The following KLHL32 variants were observed in gnomAD, a reference collection of about 807,000 sequenced individuals.
KLHL32 encodes the protein kelch like family member 32, also known as kelch-like protein 32.
Under a neutral mutation model 64.8 loss-of-function variants are expected in KLHL32, and 35 were observed. The observed-to-expected ratio is 0.54, with a 90% confidence interval of 0.41 to 0.72. The LOEUF is 0.72. KLHL32 is among the 30% of genes least tolerant of loss of function. KLHL32 has a pLI of 0.00. For missense variants in KLHL32, 589 were observed against 768.5 expected, an observed-to-expected ratio of 0.77 and a Z score of 2.76; for synonymous variants, 259 against 281.0, an observed-to-expected ratio of 0.92 and a Z score of 0.78.
At position 97,102,871 on chromosome 6, in the gene KLHL32, C is replaced by T. The variant is rs568003736; in HGVS notation, c.628-10912C>T. On this transcript the variant is annotated intron_variant, in intron 6 of 10. Transcript: ENST00000369261. ...CTTTTATTTTAGGTTTGGGAGTACA[C>T]GTGAAGGTTTCTTATATAGGTAAAC... Among the ~76,000 whole-genome samples, 12 of 151,724 alleles carry T rather than the reference C, an allele frequency of 7.9e-5. No homozygotes were observed. The East Asian group carries it at 9.7e-4, about 12-fold the overall frequency.
Position 97,041,484 on chromosome 6 carries a change from C to T in KLHL32, c.205-8C>T. On this transcript the variant is annotated splice_polypyrimidine_tract_variant and splice_region_variant and intron_variant, in intron 3 of 10. Coordinates refer to ENST00000369261, the MANE Select transcript of KLHL32 (RefSeq NM_052904.4). Reference sequence around the variant, plus strand: ...TCATAACTGTCTTTCTCCCTTTCCTCACCTCAGGCAATGTTCAGTCTTTGT... The same window carrying T: ...TCATAACTGTCTTTCTCCCTTTCCTTACCTCAGGCAATGTTCAGTCTTTGT... 6.3e-7 allele frequency: 1 copy of T among 1,593,206 alleles called. No individual in the cohort carries two copies. The highest frequency in any genetic ancestry group is 8.6e-7 in the Non-Finnish European group (1 of 1,161,086).
chr6:97,000,886 G>A (rs933478419), intron 3 of KLHL32, among the ~76,000 whole-genome samples: 1 of 152,158 alleles, frequency 6.6e-6, no homozygotes, highest in Non-Finnish European at 1.5e-5. Context: ...GAAAATGCAT[G>A]GGTGAAACTT....
At chr6:96,946,528 A>G (rs1451679345) in intron 1 of KLHL32, among the ~76,000 whole-genome samples, 6 of 152,180 alleles carry the variant, frequency 3.9e-5, no homozygotes, top group Non-Finnish European at 5.9e-5. Context: ...TAAGTCAAGA[A>G]TCTGTCACTT....
intron 1 of KLHL32, among the ~76,000 whole-genome samples, chr6:96,938,950 C>G (rs1437385905): frequency 6.6e-6 from 1 of 152,166 alleles, no homozygotes; most frequent in Non-Finnish European, 1.5e-5. Context: ...GGCTGCTCCC[C>G]TTTCACTGAG....
At chr6:96,930,482 A>G (rs1359173936) in intron 1 of KLHL32, among the ~76,000 whole-genome samples, 2 of 152,216 alleles carry the variant, frequency 1.3e-5, no homozygotes, top group South Asian at 4.1e-4. Flanking sequence ...AAGATTAAAT[A>G]AGAAATGCAT....
In KLHL32 at chr6:97,120,986, A is replaced by G. The variant is rs1428099707; in HGVS notation, c.1355-6418A>G. 2.0e-5 allele frequency among the ~76,000 whole-genome samples: 3 copies of G among 152,342 alleles called. No homozygotes were observed. In the East Asian group the frequency reaches 5.8e-4, roughly 29 times the overall value. On this transcript the variant is annotated intron_variant, in intron 7 of 10. Coordinates refer to ENST00000369261, the MANE Select transcript of KLHL32 (RefSeq NM_052904.4). ...AAAACAAACAGAAATGTAGTATTCT[A>G]CAATGCTTGTTAGAGAGCTAAATGA...
At chr6:97,114,558 T>C in intron 7 of KLHL32, 49 bp downstream of exon 7, 1 of 1,602,646 alleles carries the variant, frequency 6.2e-7, no homozygotes, top group African/African-American at 1.3e-5. Flanking sequence ...TTCATTGTGG[T>C]ATATATTTAA....
At chr6:96,904,334 T>TTTC in the KLHL32 span, among the ~76,000 whole-genome samples, 1 of 76,716 alleles carries the variant, frequency 1.3e-5, no homozygotes, top group Non-Finnish European at 2.4e-5. Flanking sequence ...AGAGCAAGAC[T>TTTC]TTGTCAAAAA....
chr6:97,055,267 A>G (rs1787611060), intron 4 of KLHL32, among the ~76,000 whole-genome samples: 1 of 152,208 alleles, frequency 6.6e-6, no homozygotes, highest in Non-Finnish European at 1.5e-5. Flanking sequence ...AGAAACAGAA[A>G]GGAAGATCTT....
chr6:96,931,092 A>G (rs375184756), intron 1 of KLHL32, among the ~76,000 whole-genome samples: 1 of 151,366 alleles, frequency 6.6e-6, no homozygotes, highest in Non-Finnish European at 1.5e-5. Flanking sequence ...GAAAAGGTCA[A>G]AAGCTCACCA....
chr6:96,987,592 G>GA (rs1288691153), intron 3 of KLHL32, among the ~76,000 whole-genome samples: 2 of 152,058 alleles, frequency 1.3e-5, no homozygotes, highest in African/African-American at 2.4e-5. Context: ...CACAGAATTG[G>GA]AAAAAACTAC....
At chr6:96,946,500 T>G (rs978846746) in intron 1 of KLHL32, among the ~76,000 whole-genome samples, 9 of 152,214 alleles carry the variant, frequency 5.9e-5, no homozygotes, top group African/African-American at 2.2e-4. Context: ...GACCACTAAA[T>G]AATTACTTGT....
intron 1 of KLHL32, among the ~76,000 whole-genome samples, chr6:96,938,689 G>A (rs528438553): frequency 6.6e-6 from 1 of 152,278 alleles, no homozygotes; most frequent in East Asian, 1.9e-4. Flanking sequence ...AAATAGACGG[G>A]CCTAAGCTTG....
chr6:97,089,370 T>A (rs1465930628), intron 6 of KLHL32, among the ~76,000 whole-genome samples: 6 of 152,244 alleles, frequency 3.9e-5, no homozygotes, highest in Non-Finnish European at 8.8e-5. Context: ...ATTCAGTAGT[T>A]AGGTTAAGGA....
chr6:96,898,335 G>A, the KLHL32 span, among the ~76,000 whole-genome samples: 2 of 152,170 alleles, frequency 1.3e-5, no homozygotes, highest in Non-Finnish European at 2.9e-5. Flanking sequence ...GTCAAACTGG[G>A]CTCTCAAGTT....
chr6:97,117,404 A>G (rs568009131), intron 7 of KLHL32, among the ~76,000 whole-genome samples: 2 of 152,326 alleles, frequency 1.3e-5, no homozygotes, highest in African/African-American at 4.8e-5. Context: ...TCTCTAGAAC[A>G]CAGAATGAAT....
At chr6:96,900,156 A>AT in the KLHL32 span, among the ~76,000 whole-genome samples, 2 of 152,226 alleles carry the variant, frequency 1.3e-5, no homozygotes, top group Non-Finnish European at 2.9e-5. Flanking sequence ...GTGAGTCCTT[A>AT]TGCAAGTAAC....
At chr6:96,996,622 T>G (rs9481177) in intron 3 of KLHL32, among the ~76,000 whole-genome samples, 3 of 152,142 alleles carry the variant, frequency 2.0e-5, no homozygotes, top group Admixed American at 6.6e-5. Context: ...TATAATGTAA[T>G]TGGTATACCA....
intron 7 of KLHL32, among the ~76,000 whole-genome samples, chr6:97,120,803 A>G (rs974362774): frequency 1.3e-5 from 2 of 152,246 alleles, no homozygotes; most frequent in Non-Finnish European, 2.9e-5. Context: ...CTAGTGAATT[A>G]GAATGTCCAT....
Sources: allele counts gnomAD v4.1 joint callset (sites outside exome capture counted in the v4.1 genomes callset), GRCh38; gene constraint gnomAD v4.1.1; transcripts MANE v1.5; gene names NCBI Gene and HGNC (gene_info 2026-07-23, HGNC 2026-07-21).